The following SGCZ variants were observed in gnomAD, a reference collection of about 807,000 sequenced individuals.
SGCZ encodes sarcoglycan zeta, also known as zeta-sarcoglycan.
SGCZ carries 40 observed loss-of-function variants against 41.3 expected under a neutral mutation model. The observed-to-expected ratio is 0.97, with a 90% CI of 0.75 to 1.26. SGCZ has a LOEUF of 1.26. Ranked by LOEUF, SGCZ falls within the 50% of genes most tolerant of loss-of-function variation. The pLI is 0.00. For synonymous variants in SGCZ, 206 were observed against 137.5 expected, an observed-to-expected ratio of 1.50 and a Z score of -3.49; for missense variants, 552 against 369.8, an observed-to-expected ratio of 1.49 and a Z score of -4.04.
intron 1 of SGCZ, among the ~76,000 whole-genome samples, chr8:15,081,774 A>G (rs10107753): frequency 0.8 from 121,304 of 152,052 alleles, 48,435 homozygotes; most frequent in African/African-American, 0.83. Context: ...AGAAAAGGCA[A>G]GTAACTGGAT....
intron 1 of SGCZ, among the ~76,000 whole-genome samples, chr8:14,649,943 G>A (rs1191727392): frequency 6.6e-6 from 1 of 152,012 alleles, no homozygotes; most frequent in Admixed American, 6.6e-5. Context: ...ATGGTTTAGG[G>A]CTATTGGAAG....
intron 3 of SGCZ, among the ~76,000 whole-genome samples, chr8:14,288,692 A>G (rs1046609622): frequency 1.3e-5 from 2 of 152,116 alleles, no homozygotes; most frequent in Non-Finnish European, 1.5e-5. Context: ...ACTGATGGAC[A>G]TTTTAGTTTT....
At chr8:14,700,654 C>T (rs1809105853) in intron 1 of SGCZ, among the ~76,000 whole-genome samples, 1 of 151,910 alleles carries the variant, frequency 6.6e-6, no homozygotes, top group Non-Finnish European at 1.5e-5. Flanking sequence ...ATACTATATT[C>T]ATATATTTAA....
intron 1 of SGCZ, among the ~76,000 whole-genome samples, chr8:15,089,113 T>C (rs1806056608): frequency 6.6e-6 from 1 of 152,184 alleles, no homozygotes; most frequent in African/African-American, 2.4e-5. Context: ...TGTTGGTTTA[T>C]GGCCATAGTT....
chr8:14,995,301 T>C (rs1423969973), intron 1 of SGCZ, among the ~76,000 whole-genome samples: 3 of 152,118 alleles, frequency 2.0e-5, no homozygotes, highest in African/African-American at 4.8e-5. Context: ...AATGAAGAAG[T>C]GTGGGGATGA....
chr8:14,393,316 A>G (rs1804849172), intron 2 of SGCZ, among the ~76,000 whole-genome samples: 1 of 151,894 alleles, frequency 6.6e-6, no homozygotes, highest in South Asian at 2.1e-4. Context: ...GACATAGACA[A>G]GCAGGCTGGG....
intron 1 of SGCZ, among the ~76,000 whole-genome samples, chr8:14,921,853 C>G (rs937928089): frequency 2.0e-5 from 3 of 151,978 alleles, no homozygotes; most frequent in African/African-American, 7.3e-5. Flanking sequence ...GTGTGAACAA[C>G]TGAAAGACAA....
chr8:14,351,067 G>C (rs113599852), intron 2 of SGCZ, among the ~76,000 whole-genome samples: 1,893 of 152,146 alleles, frequency 0.012, 40 homozygotes, highest in African/African-American at 0.04. Flanking sequence ...TACTTCTGTA[G>C]TGGCATTTTG....
At chr8:15,206,337 T>C (rs1411696306) in intron 1 of SGCZ, among the ~76,000 whole-genome samples, 1 of 152,060 alleles carries the variant, frequency 6.6e-6, no homozygotes, top group East Asian at 1.9e-4. Flanking sequence ...AAGGGCACCA[T>C]CAAGAACTTC....
At chr8:15,130,027 T>A (rs1425342962) in intron 1 of SGCZ, among the ~76,000 whole-genome samples, 1 of 152,126 alleles carries the variant, frequency 6.6e-6, no homozygotes, top group African/African-American at 2.4e-5. Flanking sequence ...CCAAAAAATA[T>A]GAGTTGTTCT....
At chr8:14,895,991 G>T (rs1224661491) in intron 1 of SGCZ, among the ~76,000 whole-genome samples, 1 of 152,144 alleles carries the variant, frequency 6.6e-6, no homozygotes, top group Non-Finnish European at 1.5e-5. Context: ...AACACTACCT[G>T]GTAAGGCAAA....
At chr8:14,187,331 G>C (rs1467395760) in intron 4 of SGCZ, among the ~76,000 whole-genome samples, 2 of 152,120 alleles carry the variant, frequency 1.3e-5, no homozygotes, top group Non-Finnish European at 2.9e-5. Flanking sequence ...CCCGAGAAAA[G>C]TCTGAACCAT....
At chr8:15,223,016 A>G (rs937683496) in intron 1 of SGCZ, among the ~76,000 whole-genome samples, 2 of 152,194 alleles carry the variant, frequency 1.3e-5, no homozygotes. Context: ...GAAGTTTCAG[A>G]CAATTTGGGA....
At chr8:14,161,615 T>C (rs1375523394) in intron 5 of SGCZ, among the ~76,000 whole-genome samples, 2 of 152,210 alleles carry the variant, frequency 1.3e-5, no homozygotes, top group Non-Finnish European at 2.9e-5. Flanking sequence ...GTTTCTTTCA[T>C]TCTAAGTATT....
At chr8:14,501,862 A>G (rs1031173510) in intron 2 of SGCZ, among the ~76,000 whole-genome samples, 1 of 152,056 alleles carries the variant, frequency 6.6e-6, no homozygotes, top group Non-Finnish European at 1.5e-5. Context: ...TTTAATATAC[A>G]TTTGCCAATA....
At chr8:14,819,752 G>C (rs866326855) in intron 1 of SGCZ, among the ~76,000 whole-genome samples, 1 of 152,112 alleles carries the variant, frequency 6.6e-6, no homozygotes, top group African/African-American at 2.4e-5. Flanking sequence ...AAAAATTGTA[G>C]AGTATTTCTA....
chr8:15,018,221 G>C (rs1667611456), intron 1 of SGCZ, among the ~76,000 whole-genome samples: 1 of 152,154 alleles, frequency 6.6e-6, no homozygotes, highest in Non-Finnish European at 1.5e-5. Flanking sequence ...TTCGGCACAT[G>C]TTTCTAAACT....
At chr8:15,018,120 T>C (rs1803108724) in intron 1 of SGCZ, among the ~76,000 whole-genome samples, 1 of 152,110 alleles carries the variant, frequency 6.6e-6, no homozygotes, top group Non-Finnish European at 1.5e-5. Context: ...AGAAGTTAAT[T>C]ATACATATTC....
intron 2 of SGCZ, among the ~76,000 whole-genome samples, chr8:14,340,841 T>C (rs1802678381): frequency 1.3e-5 from 2 of 152,202 alleles, no homozygotes; most frequent in Admixed American, 6.5e-5. Context: ...TCAGTGGCAT[T>C]AAGTACATTC....
Sources: gnomAD v4.1 joint callset for allele counts (sites outside exome capture counted in the v4.1 genomes callset) on GRCh38, gnomAD v4.1.1 for gene constraint, MANE v1.5 for transcripts, NCBI Gene and HGNC (gene_info 2026-07-23, HGNC 2026-07-21) for gene names.